TMEM71: variants seen among roughly 807,000 people sequenced by gnomAD.
TMEM71 encodes the protein transmembrane protein 71.
Under a neutral mutation model 38.0 loss-of-function variants are expected in TMEM71, and 44 were observed. The ratio of observed to expected loss-of-function variants is 1.16; its 90% confidence interval spans 0.91 to 1.49. The LOEUF is 1.49. Among genes scored for constraint, TMEM71 ranks in the 40% most tolerant of loss-of-function variants. TMEM71 has a pLI of 0.00. For missense variants in TMEM71, 367 were observed against 348.6 expected, an observed-to-expected ratio of 1.05 and a Z score of -0.42; for synonymous variants, 133 against 122.5, an observed-to-expected ratio of 1.09 and a Z score of -0.56.
intron 1 of TMEM71, chr8:132,759,446 T>G (rs1829210900): frequency 6.6e-6 from 1 of 151,722 alleles, no homozygotes; most frequent in South Asian, 2.1e-4. Flanking sequence ...GCCTGGACAT[T>G]CCTAAACAGC....
At chr8:132,769,578 T>C in the TMEM71 span, among the ~76,000 whole-genome samples, 1 of 152,190 alleles carries the variant, frequency 6.6e-6, no homozygotes, top group East Asian at 1.9e-4. Flanking sequence ...GGGCCTTTCG[T>C]AAGTAACTAT....
Position 132,751,931 on chromosome 8 carries a change from G to A in TMEM71, c.168C>T (p.Gly56=). Reference sequence around the variant, plus strand: ...GACTTCGGCGACAGGTATAGTGGGAGCCTGTCAGGGGATCTATGGAGCCGC... The same window carrying A: ...GACTTCGGCGACAGGTATAGTGGGAACCTGTCAGGGGATCTATGGAGCCGC... ...FECGSIDPLT[G]SHYTCRRSPR... is the part of the protein sequence containing the mutation. The change falls in exon 4 of 10, where the codon GGC becomes GGT. Residue 56 remains glycine, a synonymous_variant. Transcript: ENST00000677595. 2 of 1,614,126 alleles carry A rather than the reference G, an allele frequency of 1.2e-6. No homozygotes were observed. Among genetic ancestry groups the A allele is most frequent in the East Asian group, 2.2e-5 (1 of 44,876 alleles).
At chr8:132,727,324 T>C (rs928537854) in intron 6 of TMEM71, among the ~76,000 whole-genome samples, 1 of 151,524 alleles carries the variant, frequency 6.6e-6, no homozygotes, top group Non-Finnish European at 1.5e-5. Context: ...TGGCGCGATC[T>C]CAGCTCACTG....
upstream of TMEM71, among the ~76,000 whole-genome samples, chr8:132,761,874 C>A: frequency 6.6e-6 from 1 of 152,180 alleles, no homozygotes; most frequent in South Asian, 2.1e-4. Context: ...GTCTGATGCT[C>A]CATCCAACAG....
At chr8:132,718,599 G>A (rs777771469) in intron 7 of TMEM71, among the ~76,000 whole-genome samples, 57 of 151,964 alleles carry the variant, frequency 3.8e-4, no homozygotes, top group Admixed American at 2.9e-3. Flanking sequence ...GGGTTTCACC[G>A]TGTTAGCCAG....
chr8:132,747,164 T>C, intron 4 of TMEM71, 50 bp from the exon 5 acceptor site: 3 of 1,443,298 alleles, frequency 2.1e-6, no homozygotes, highest in South Asian at 1.4e-5. Context: ...TTACCTTTAG[T>C]TCAAAACTGT....
intron 5 of TMEM71, among the ~76,000 whole-genome samples, chr8:132,737,185 A>G (rs1458156179): frequency 6.6e-6 from 1 of 152,190 alleles, no homozygotes; most frequent in African/African-American, 2.4e-5. Context: ...TCGTGATTGC[A>G]TGGCCTCCCT....
intron 1 of TMEM71, chr8:132,759,589 C>A (rs1586809554): frequency 1.3e-5 from 2 of 152,296 alleles, no homozygotes; most frequent in East Asian, 3.9e-4. Context: ...AAACTTTGAT[C>A]ATTTACTGTT....
chr8:132,768,247 T>C, the TMEM71 span, among the ~76,000 whole-genome samples: 2 of 152,252 alleles, frequency 1.3e-5, no homozygotes, highest in Non-Finnish European at 2.9e-5. Flanking sequence ...GTTAAATTCA[T>C]TGTAGTACTT....
At chr8:132,748,862 G>A (rs1156829078) in intron 4 of TMEM71, among the ~76,000 whole-genome samples, 1 of 152,132 alleles carries the variant, frequency 6.6e-6, no homozygotes, top group African/African-American at 2.4e-5. Context: ...ATCTGAGCTG[G>A]AATCCTATTT....
chr8:132,727,105 C>T (rs1827188572), intron 6 of TMEM71, among the ~76,000 whole-genome samples: 1 of 152,030 alleles, frequency 6.6e-6, no homozygotes, highest in Non-Finnish European at 1.5e-5. Flanking sequence ...GTTCCACCCG[C>T]CTCAGCCTCC....
chr8:132,719,995 T>C (rs1321959194), intron 7 of TMEM71, among the ~76,000 whole-genome samples: 4 of 152,236 alleles, frequency 2.6e-5, no homozygotes, highest in African/African-American at 7.2e-5. Flanking sequence ...CTTGACAGTT[T>C]TGGAAAGTCC....
upstream of TMEM71, among the ~76,000 whole-genome samples, chr8:132,764,752 T>C (rs1829343087): frequency 6.6e-6 from 1 of 152,228 alleles, no homozygotes; most frequent in Admixed American, 6.5e-5. Context: ...GTCTGCGCTT[T>C]CCTTTCAGAG....
chr8:132,730,131 T>G (rs1180740021), intron 5 of TMEM71, among the ~76,000 whole-genome samples: 1 of 152,152 alleles, frequency 6.6e-6, no homozygotes, highest in East Asian at 1.9e-4. Flanking sequence ...GCTAATTTTG[T>G]ATTTTTAGTT....
In TMEM71 at chr8:132,752,704, A is replaced by G. The variant is rs1179581272; in HGVS notation, c.102-707T>C. On this transcript the variant is annotated intron_variant, in intron 3 of 9. Transcript: ENST00000677595. ...GTGCTATTCATGCCTGTGAATAGCC[A>G]CTGCACTCCAGCCTGGGCACCATAG... Among the ~76,000 whole-genome samples, 3 of 151,686 alleles carry G rather than the reference A, an allele frequency of 2.0e-5. No homozygotes were observed. In the East Asian group the frequency reaches 5.8e-4, roughly 29 times the overall value.
intron 7 of TMEM71, among the ~76,000 whole-genome samples, chr8:132,715,446 T>G (rs1214000270): frequency 7.8e-6 from 1 of 127,784 alleles, no homozygotes; most frequent in Non-Finnish European, 1.6e-5. Flanking sequence ...GAATGAAAAG[T>G]GTGCAAACAG....
At chr8:132,744,603 T>C (rs1291329876) in intron 5 of TMEM71, among the ~76,000 whole-genome samples, 4 of 152,204 alleles carry the variant, frequency 2.6e-5, no homozygotes, top group Non-Finnish European at 5.9e-5. Flanking sequence ...AATGGCCATA[T>C]TGCCTAAAGC....
intron 5 of TMEM71, among the ~76,000 whole-genome samples, chr8:132,741,269 A>G (rs1313514331): frequency 6.6e-6 from 1 of 152,170 alleles, no homozygotes; most frequent in Non-Finnish European, 1.5e-5. Context: ...AGGCTGAGGG[A>G]GAAGAATTGC....
intron 7 of TMEM71, among the ~76,000 whole-genome samples, 162 bp downstream of exon 7, chr8:132,721,878 G>T (rs181835550): frequency 7.4e-4 from 112 of 152,190 alleles, no homozygotes; most frequent in South Asian, 4.6e-3. Flanking sequence ...ATAGAGGTGG[G>T]CAATGAGAGA....
Sources: allele counts gnomAD v4.1 joint callset (sites outside exome capture counted in the v4.1 genomes callset), GRCh38; gene constraint gnomAD v4.1.1; transcripts MANE v1.5; gene names NCBI Gene and HGNC (gene_info 2026-07-23, HGNC 2026-07-21).